Variants in CNOT7 observed in about 807,000 individuals in gnomAD.
The protein encoded by CNOT7 is CCR4-NOT transcription complex subunit 7.
CNOT7 carries 4 observed loss-of-function variants against 37.1 expected under a neutral mutation model. That is an observed-to-expected ratio of 0.11 (90% CI 0.05 to 0.25). CNOT7 has a LOEUF of 0.25. Among genes scored for constraint, CNOT7 ranks in the 10% least tolerant of loss-of-function variants. The pLI, the probability that CNOT7 is intolerant of heterozygous loss-of-function variation, is 1.00. For missense variants in CNOT7, 170 were observed against 336.2 expected, an observed-to-expected ratio of 0.51 and a Z score of 3.87; for synonymous variants, 128 against 115.6, an observed-to-expected ratio of 1.11 and a Z score of -0.69.
At chr8:17,233,179 T>C (rs890266024) in intron 5 of CNOT7, among the ~76,000 whole-genome samples, 2 of 151,438 alleles carry the variant, frequency 1.3e-5, no homozygotes, top group Admixed American at 1.3e-4. Flanking sequence ...GGAAAGAAAG[T>C]GGGAGGACAG....
At chr8:17,245,010 T>C in intron 2 of CNOT7, 26 bp downstream of exon 2, 1 of 1,568,076 alleles carries the variant, frequency 6.4e-7, no homozygotes, top group Non-Finnish European at 8.7e-7. Flanking sequence ...ATATGAAGCG[T>C]TTTAAAGATC....
intron 5 of CNOT7, among the ~76,000 whole-genome samples, chr8:17,233,684 C>T (rs894537284): frequency 1.3e-5 from 2 of 152,100 alleles, no homozygotes; most frequent in Non-Finnish European, 2.9e-5. Context: ...CAAGGGATAC[C>T]CTACTGCAAG....
chr8:17,234,892 G>A, intron 4 of CNOT7, 32 bp from the exon 5 acceptor site: 2 of 1,599,722 alleles, frequency 1.3e-6, no homozygotes, highest in Non-Finnish European at 1.7e-6. Context: ...AGAGAAGAGG[G>A]ACATATAAAT....
rs1369964685 is a variant in CNOT7 at position 17,226,186 on chromosome 8, A to G, written c.*4534T>C. The G allele has an allele frequency of 2.1e-4, 32 of 150,506 alleles. No homozygotes were observed. Among genetic ancestry groups the G allele is most frequent in the Admixed American group, 1.8e-3 (27 of 15,024 alleles). 9.3% of individuals were successfully genotyped at this position (150,506 alleles called of 1,614,324 possible). A position where few individuals can be genotyped will look rare whatever the true frequency, so the allele number is the denominator to read the frequency against. On this transcript the variant is annotated 3_prime_UTR_variant, in exon 7 of 7. Transcript: ENST00000361272. Reference sequence around the variant, plus strand: ...TTGAAAACTCAAAATATTGAGTACAATTTTTTTTTCTTTTTTTAGTAATAG... The same window carrying G: ...TTGAAAACTCAAAATATTGAGTACAGTTTTTTTTTCTTTTTTTAGTAATAG...
At chr8:17,243,285 A>T (rs962135223) in intron 2 of CNOT7, 100 bp from the exon 3 acceptor site, 9 of 856,414 alleles carry the variant, frequency 1.1e-5, no homozygotes, top group Admixed American at 2.5e-5. Flanking sequence ...TACAGATGAT[A>T]TTCTACACAT....
chr8:17,241,053 C>A (rs1810094534), intron 3 of CNOT7, among the ~76,000 whole-genome samples: 1 of 152,158 alleles, frequency 6.6e-6, no homozygotes, highest in Non-Finnish European at 1.5e-5. Context: ...GTTCTGTAGA[C>A]TGTGCGTGTG....
chr8:17,241,615 G>A (rs1810176837), intron 3 of CNOT7: 1 of 152,116 alleles, frequency 6.6e-6, no homozygotes, highest in Non-Finnish European at 1.5e-5. Flanking sequence ...CCAGATATTA[G>A]GATGTATGAC....
At chr8:17,242,279 T>G (rs1179609119) in intron 3 of CNOT7, 1 of 152,234 alleles carries the variant, frequency 6.6e-6, no homozygotes, top group Non-Finnish European at 1.5e-5. Context: ...GTAATAAGAA[T>G]GTATTATTTT....
chr8:17,245,179 C>T lies in CNOT7; in HGVS notation c.-27G>A. The T allele has an allele frequency of 1.9e-6, 3 of 1,580,742 alleles. No individual in the cohort carries two copies. Among genetic ancestry groups the T allele is most frequent in the Non-Finnish European group, 2.6e-6 (3 of 1,164,760 alleles). On this transcript the variant is annotated 5_prime_UTR_variant, in exon 2 of 7. Coordinates refer to ENST00000361272, the MANE Select transcript of CNOT7 (RefSeq NM_013354.7). Reference sequence around the variant, plus strand: ...GTGAGGGCACAAGGGAGTCTAGATGCCAAGCATCAAAATGTTATACTTGAT... The same window carrying T: ...GTGAGGGCACAAGGGAGTCTAGATGTCAAGCATCAAAATGTTATACTTGAT...
At chr8:17,244,800 C>T (rs1810670930) in intron 2 of CNOT7, 1 of 429,378 alleles carries the variant, frequency 2.3e-6, no homozygotes, top group Non-Finnish European at 4.2e-6. Context: ...ATTCAAACGG[C>T]CCATGGTTCC....
Position 17,243,772 on chromosome 8 carries a change from T to C in CNOT7, c.118-587A>G, listed in dbSNP as rs188267431. The C allele has an allele frequency of 1.3e-4, 52 of 391,562 alleles. 1 individual carries two copies. The highest frequency in any genetic ancestry group is 9.8e-4 in the African/African-American group (47 of 47,732). The allele number at this position is 391,562 out of a possible 1,614,324, so 24.3% of individuals were successfully genotyped here. A position where few individuals can be genotyped will look rare whatever the true frequency, so the allele number is the denominator to read the frequency against. On this transcript the variant is annotated intron_variant, in intron 2 of 6. Transcript: ENST00000361272. ...CTCTATGTTGCCACTCTTTATCATC[T>C]GAGAAATCAATGATCACTATGAATT...
chr8:17,235,236 T>C (rs114214621), intron 4 of CNOT7, among the ~76,000 whole-genome samples: 1 of 152,228 alleles, frequency 6.6e-6, no homozygotes, highest in South Asian at 2.1e-4. Flanking sequence ...GAAATAAAGA[T>C]GAATGGAAAC....
chr8:17,244,940 C>A, intron 2 of CNOT7, 96 bp downstream of exon 2: 2 of 996,410 alleles, frequency 2.0e-6, no homozygotes, highest in South Asian at 3.3e-5. Context: ...GAAATTAATC[C>A]CTAAAAATAT....
chr8:17,240,482 A>G (rs1810014321), intron 3 of CNOT7, among the ~76,000 whole-genome samples: 3 of 152,212 alleles, frequency 2.0e-5, no homozygotes, highest in African/African-American at 4.8e-5. Context: ...AATGGTAGCA[A>G]AACTTGGTAG....
At position 17,234,595 on chromosome 8, in the gene CNOT7, T is replaced by C. The variant is rs1809088921; in HGVS notation, c.618+121A>G. ...AAAAAAATCACATGACCAGATAATATAATTGCATTCACTGTAATACTTTAA... is the reference window on the plus strand; with the variant it reads ...AAAAAAATCACATGACCAGATAATACAATTGCATTCACTGTAATACTTTAA... On this transcript the variant is annotated intron_variant, in intron 5 of 6. Transcript: ENST00000361272. 2.9e-6 allele frequency: 3 copies of C among 1,028,388 alleles called. No homozygotes were observed. The East Asian group carries it at 7.2e-5, about 25-fold the overall frequency. 63.7% of individuals were successfully genotyped at this position (1,028,388 alleles called of 1,614,324 possible).
rs1808503071 is a variant in CNOT7, at chr8:17,230,771, T to G, written c.807A>C (p.Val269=). 2 of 1,611,074 alleles carry G rather than the reference T, an allele frequency of 1.2e-6. No individual in the cohort carries two copies. The highest frequency in any genetic ancestry group is 4.5e-5 in the East Asian group (2 of 44,808). The part of the protein sequence containing the change: ...LYGLGSGSSY[V]QNGTGNAYEE... ...CATATGCATTCCCTGTGCCATTCTG[T>G]ACATAGGATGAACCAGAACCAAGGC... The change falls in exon 7 of 7, where the codon GTA becomes GTC. Residue 269 remains valine (V), a synonymous_variant. Transcript: ENST00000361272.
chr8:17,233,366 G>A (rs1479462252), intron 5 of CNOT7, among the ~76,000 whole-genome samples: 1 of 152,196 alleles, frequency 6.6e-6, no homozygotes, highest in African/African-American at 2.4e-5. Context: ...AAAATAGCAC[G>A]AGGATTAGGT....
At chr8:17,243,349 C>T (rs1434903062) in intron 2 of CNOT7, 164 bp from the exon 3 acceptor site, 5 of 645,150 alleles carry the variant, frequency 7.8e-6, no homozygotes, top group African/African-American at 7.3e-5. Context: ...CTTTTTAGAA[C>T]CATAAAACTC....
At position 17,234,830 on chromosome 8, in the gene CNOT7, G is replaced by C. The variant is rs765495514; in HGVS notation, c.504C>G (p.Ile168Met). The C allele has an allele frequency of 6.2e-7, 1 of 1,613,898 alleles. No individual in the cohort carries two copies. Among genetic ancestry groups the C allele is most frequent in the Non-Finnish European group, 8.5e-7 (1 of 1,179,914 alleles). The change falls in exon 5 of 7, where the codon ATC becomes ATG. Residue 168 changes from isoleucine (I) to methionine (M), a missense_variant. Physicochemically the swap from Ile to Met is conservative, Grantham distance 10 (BLOSUM62 1). This residue lies in a region of CNOT7 where 68 missense variants were observed against 151.1 expected (regional missense o/e 0.45). Coordinates refer to ENST00000361272, the MANE Select transcript of CNOT7 (RefSeq NM_013354.7). ...CTTCAGGCAAGTTAGAGTTGGTTAG[G>C]ATTTTGATTAAGTAGCCAAAGTCGT... is the stretch of plus-strand genomic sequence containing the variant. ...SGYDFGYLIKILTNSNLPEEE... is the reference protein window; with the variant it reads ...SGYDFGYLIKMLTNSNLPEEE...
Sources: gnomAD v4.1 joint callset for allele counts (sites outside exome capture counted in the v4.1 genomes callset) on GRCh38, gnomAD v4.1.1 for gene constraint, gnomAD v4.1.1 regional missense constraint, MANE v1.5 for transcripts, NCBI Gene and HGNC (gene_info 2026-07-23, HGNC 2026-07-21) for gene names.